The following GDPD4 variants were observed in gnomAD, a reference collection of about 807,000 sequenced individuals.
GDPD4 encodes glycerophosphodiester phosphodiesterase domain containing 4.
Under a neutral mutation model 67.8 loss-of-function variants are expected in GDPD4, and 60 were observed. The observed-to-expected ratio is 0.88, with a 90% CI of 0.72 to 1.10. GDPD4 has a LOEUF of 1.10. Ranked by LOEUF, GDPD4 falls within the 50% of genes least tolerant of loss-of-function variation. GDPD4 has a pLI of 0.00. For synonymous variants in GDPD4, 212 were observed against 210.9 expected, an observed-to-expected ratio of 1.00 and a Z score of -0.04; for missense variants, 623 against 613.9, an observed-to-expected ratio of 1.01 and a Z score of -0.16.
chr11:77,261,929 G>A (rs1959126760), intron 10 of GDPD4, among the ~76,000 whole-genome samples: 2 of 152,154 alleles, frequency 1.3e-5, no homozygotes, highest in Non-Finnish European at 2.9e-5. Flanking sequence ...TAATTAAATT[G>A]TATTAGATTT....
intron 11 of GDPD4, among the ~76,000 whole-genome samples, chr11:77,253,681 A>C (rs1425961471): frequency 1.3e-5 from 2 of 151,920 alleles, no homozygotes; most frequent in Non-Finnish European, 2.9e-5. Context: ...TTGATGTGCC[A>C]CTCTACTCAG....
rs1960041592 is a variant in GDPD4, at chr11:77,287,430, CAAAT to C, written c.-253-14_-253-11del. ...ATGATTCACCCTTTAGCTGGAAAGA[CAAAT>C]AAAATAATCAGGATCTAGTGTCGCT... On this transcript the variant is annotated splice_polypyrimidine_tract_variant and intron_variant, in intron 1 of 16. Transcript: ENST00000315938. 6.6e-6 allele frequency: 1 copy of C among 152,242 alleles called. No individual in the cohort carries two copies. Among genetic ancestry groups the C allele is most frequent in the Non-Finnish European group, 1.5e-5 (1 of 68,004 alleles). The allele number at this position is 152,242 out of a possible 1,614,324, so 9.4% of individuals were successfully genotyped here. A position where few individuals can be genotyped will look rare whatever the true frequency, so the allele number is the denominator to read the frequency against.
At chr11:77,254,672 A>G (rs570187454) in intron 11 of GDPD4, among the ~76,000 whole-genome samples, 1 of 152,340 alleles carries the variant, frequency 6.6e-6, no homozygotes, top group Non-Finnish European at 1.5e-5. Context: ...ACAAAAGGAT[A>G]TAACAAAGTT....
intron 13 of GDPD4, among the ~76,000 whole-genome samples, chr11:77,238,685 T>G (rs950562770): frequency 2.3e-4 from 35 of 148,992 alleles, no homozygotes; most frequent in African/African-American, 8.5e-4. Context: ...TAACAAGGAG[T>G]AATAAAAAGT....
Position 77,300,735 on chromosome 11 carries a change from T to G in GDPD4, c.-254+870A>C, listed in dbSNP as rs114399599. On this transcript the variant is annotated intron_variant, in intron 1 of 16. Transcript: ENST00000315938. ...TTAAGAATATATCTTCTGACTACAGTGCAATTTAACTGGAAATCAGTAAGA... is the reference window on the plus strand; with the variant it reads ...TTAAGAATATATCTTCTGACTACAGGGCAATTTAACTGGAAATCAGTAAGA... Among the ~76,000 whole-genome samples the G allele has an allele frequency of 5.9e-3, 904 of 152,322 alleles. 5 individuals carry two copies. Among genetic ancestry groups the G allele is most frequent in the African/African-American group, 0.02 (816 of 41,566 alleles).
chr11:77,269,123 G>A, intron 8 of GDPD4, 54 bp from the exon 9 acceptor site: 1 of 1,534,606 alleles, frequency 6.5e-7, no homozygotes, highest in South Asian at 1.2e-5. Flanking sequence ...AAGAGGGATG[G>A]AAAATCATCC....
intron 4 of GDPD4, among the ~76,000 whole-genome samples, chr11:77,277,224 T>TA (rs34429129): frequency 0.026 from 3,569 of 134,822 alleles, 125 homozygotes; most frequent in African/African-American, 0.083. Flanking sequence ...TTTCCCCATG[T>TA]AAAAAAAAAA....
At chr11:77,270,033 C>A in intron 7 of GDPD4, 73 bp from the exon 8 acceptor site, 1 of 712,012 alleles carries the variant, frequency 1.4e-6, no homozygotes. Flanking sequence ...GAAATACTTT[C>A]TAAAATTTAC....
At chr11:77,250,830 G>A (rs1032945490) in intron 11 of GDPD4, among the ~76,000 whole-genome samples, 1 of 152,080 alleles carries the variant, frequency 6.6e-6, no homozygotes, top group African/African-American at 2.4e-5. Context: ...ATGTCTGGGT[G>A]CTTTAGTGTT....
intron 1 of GDPD4, among the ~76,000 whole-genome samples, chr11:77,293,804 T>A (rs2135896110): frequency 6.6e-6 from 1 of 152,312 alleles, no homozygotes. Flanking sequence ...AGTGAAAGAT[T>A]GATTGCTTTC....
chr11:77,233,285 G>A, intron 13 of GDPD4, 113 bp from the exon 14 acceptor site: 2 of 915,288 alleles, frequency 2.2e-6, no homozygotes, highest in Non-Finnish European at 3.5e-6. Context: ...ACCAGAAGCA[G>A]CTGATCCAGG....
intron 13 of GDPD4, among the ~76,000 whole-genome samples, chr11:77,242,894 C>T (rs5028355): frequency 0.74 from 112,780 of 151,836 alleles, 43,440 homozygotes; most frequent in Middle Eastern, 0.86. Flanking sequence ...CAGCCTTTTA[C>T]TAAACCCAAA....
chr11:77,261,044 G>A (rs985106682), intron 10 of GDPD4, among the ~76,000 whole-genome samples: 1 of 152,122 alleles, frequency 6.6e-6, no homozygotes, highest in Admixed American at 6.5e-5. Context: ...ACTGAATGCT[G>A]AATTCTTTCC....
At chr11:77,293,592 A>T (rs866091914) in intron 1 of GDPD4, among the ~76,000 whole-genome samples, 1,162 of 51,010 alleles carry the variant, frequency 0.023, 20 homozygotes, top group African/African-American at 0.15. Flanking sequence ...CTTGTCTCAA[A>T]AAAAAAAAAA....
rs780943478 is a variant in GDPD4 at position 77,271,129 on chromosome 11, C to G, written c.400+1G>C. 1.5e-5 allele frequency: 24 copies of G among 1,599,386 alleles called. No individual in the cohort carries two copies. In the South Asian group the frequency reaches 2.7e-4, roughly 18 times the overall value. ...GCAGGGTTCTGCCCTATGTGACATA[C>G]CTTCTCTTTCCAAACATGCCACGTA... On this transcript the variant is annotated splice_donor_variant, in intron 7 of 16. Coordinates refer to ENST00000315938, the MANE Select transcript of GDPD4 (RefSeq NM_182833.3). LOFTEE classifies it high-confidence loss of function.
At chr11:77,267,241 A>G (rs1959182382) in intron 10 of GDPD4, among the ~76,000 whole-genome samples, 1 of 152,252 alleles carries the variant, frequency 6.6e-6, no homozygotes, top group Admixed American at 6.5e-5. Context: ...CATATAGCCC[A>G]GGTGTGTAGT....
At chr11:77,254,336 G>A (rs886944171) in intron 11 of GDPD4, among the ~76,000 whole-genome samples, 3 of 152,156 alleles carry the variant, frequency 2.0e-5, no homozygotes, top group Non-Finnish European at 4.4e-5. Context: ...GGGATGAGGT[G>A]GCAGGGTCCT....
chr11:77,245,496 G>C lies in GDPD4; in HGVS notation c.871C>G (p.Pro291Ala). The C allele has an allele frequency of 6.2e-7, 1 of 1,611,504 alleles. No homozygotes were observed. Among genetic ancestry groups the C allele is most frequent in the Non-Finnish European group, 8.5e-7 (1 of 1,178,076 alleles). Residue 291 changes from proline (P) to alanine (A), a missense_variant, in exon 12 of 17, where the codon CCA becomes GCA. Pro to Ala is a conservative substitution (Grantham distance 27, BLOSUM62 -1). Coordinates refer to ENST00000315938, the MANE Select transcript of GDPD4 (RefSeq NM_182833.3). Reference sequence around the variant, plus strand: ...GATAGAGGTTTCATATTGTAAAATGGCCTGAGCTAGAAACAAATACATCAA... The same window carrying C: ...GATAGAGGTTTCATATTGTAAAATGCCCTGAGCTAGAAACAAATACATCAA... ...GKWFVKPELRPFYNMKPLSEA... is the reference protein window; with the variant it reads ...GKWFVKPELRAFYNMKPLSEA...
rs536599606 is a variant in GDPD4, at chr11:77,243,833, C to T, written c.1102G>A (p.Ala368Thr). 1.2e-6 allele frequency: 2 copies of T among 1,612,772 alleles called. No individual in the cohort carries two copies. Among genetic ancestry groups the T allele is most frequent in the African/African-American group, 1.3e-5 (1 of 74,928 alleles). The part of the protein sequence containing the change: ...IEQHLIFWLP[A>T]HDRQYVRSVA... ...GACCTGACGTATTGCCTATCATGAGCTGGCAACCAAAAAATCTCTAAGGAG... is the reference window on the plus strand; with the variant it reads ...GACCTGACGTATTGCCTATCATGAGTTGGCAACCAAAAAATCTCTAAGGAG... The change falls in exon 13 of 17, where the codon GCT becomes ACT. Residue 368 changes from alanine to threonine, a missense_variant. Coordinates refer to ENST00000315938, the MANE Select transcript of GDPD4 (RefSeq NM_182833.3).
Sources: allele counts gnomAD v4.1 joint callset (sites outside exome capture counted in the v4.1 genomes callset), GRCh38; gene constraint gnomAD v4.1.1; transcripts MANE v1.5; gene names NCBI Gene and HGNC (gene_info 2026-07-23, HGNC 2026-07-21).